The following XKR9 variants were observed in gnomAD, a reference collection of about 807,000 sequenced individuals.
XKR9 encodes XK related 9.
XKR9 carries 32 observed loss-of-function variants against 32.0 expected under a neutral mutation model. That is an observed-to-expected ratio of 1.00 (90% CI 0.76 to 1.34). The LOEUF (loss-of-function observed/expected upper bound fraction) is 1.34, where lower values mean the gene tolerates loss of function less well. Among genes scored for constraint, XKR9 ranks in the 40% most tolerant of loss-of-function variants. The probability of loss-of-function intolerance (pLI) is 0.00; values close to 1 mark genes in which losing one functional copy is unlikely to be tolerated. For missense variants in XKR9, 546 were observed against 429.7 expected (o/e 1.27, Z -2.39); for synonymous variants, 168 against 143.4 (o/e 1.17, Z -1.22).
chr8:70,853,762 G>A, the XKR9 span, among the ~76,000 whole-genome samples: 21 of 152,192 alleles, frequency 1.4e-4, no homozygotes, highest in South Asian at 2.9e-3. Context: ...CCACCTATGA[G>A]TGAGAACATG....
rs751295987 is a variant in XKR9, at chr8:70,706,965, C to T, written c.305C>T (p.Ala102Val). The T allele has an allele frequency of 3.1e-6, 5 of 1,612,682 alleles. No homozygotes were observed. The highest frequency in any genetic ancestry group is 1.1e-5 in the South Asian group (1 of 90,958). The change falls in exon 4 of 5, where the codon GCA (alanine) becomes GTA (valine). Residue 102 changes from alanine to valine, a missense_variant. Physicochemically the swap from Ala to Val is moderately conservative, Grantham distance 64. Transcript: ENST00000408926. ...YWFALKRGYH[A>V]AFKYDSNTSN... The stretch of plus-strand genomic sequence containing the variant: ...TTTGCCTTAAAAAGGGGTTACCATG[C>T]AGCTTTTAAATATGACAGCAATACT...
intron 4 of XKR9, among the ~76,000 whole-genome samples, chr8:70,715,055 T>C (rs1051183019): frequency 6.6e-6 from 1 of 152,130 alleles, no homozygotes; most frequent in Non-Finnish European, 1.5e-5. Context: ...CAAATAATAG[T>C]GTCAACTAGA....
At chr8:70,983,340 G>A in the XKR9 span, among the ~76,000 whole-genome samples, 7 of 151,910 alleles carry the variant, frequency 4.6e-5, no homozygotes, top group Admixed American at 2.0e-4. Flanking sequence ...ATTCATAACC[G>A]TCTGAACTTC....
chr8:70,670,864 ATCAAT>A lies in XKR9; in HGVS notation c.-361+1328_-361+1332del, dbSNP rs529050030. Among the ~76,000 whole-genome samples the A allele has an allele frequency of 5.4e-4, 82 of 152,342 alleles. 1 individual carries two copies. Among genetic ancestry groups the A allele is most frequent in the Admixed American group, 1.8e-3 (28 of 15,306 alleles). ...CTGTCAATATGTATTTATGATAGCCATCAATTAATGGCTATTCAGGCAGGAGGCTT... is the reference window on the plus strand; with the variant it reads ...CTGTCAATATGTATTTATGATAGCCATAATGGCTATTCAGGCAGGAGGCTT... On this transcript the variant is annotated intron_variant, in intron 1 of 4. Transcript: ENST00000408926.
chr8:70,853,560 A>T, the XKR9 span, among the ~76,000 whole-genome samples: 1 of 151,674 alleles, frequency 6.6e-6, no homozygotes, highest in Non-Finnish European at 1.5e-5. Context: ...TTTTTAAATT[A>T]TACTTTAAGA....
At chr8:70,772,078 C>T (rs543020220) in intron 2 of XKR9, among the ~76,000 whole-genome samples, 1 of 152,238 alleles carries the variant, frequency 6.6e-6, no homozygotes, top group South Asian at 2.1e-4. Context: ...ATCCAAGTAC[C>T]AGACTTGCAT....
the XKR9 span, among the ~76,000 whole-genome samples, chr8:70,898,310 T>G: frequency 5.6e-4 from 85 of 152,356 alleles, no homozygotes; most frequent in African/African-American, 2.0e-3. Context: ...CATGCTGTTT[T>G]GGTTACTATA....
the XKR9 span, among the ~76,000 whole-genome samples, chr8:70,904,894 T>C: frequency 0.084 from 12,735 of 152,208 alleles, 606 homozygotes; most frequent in African/African-American, 0.097. Flanking sequence ...TAGTTTGTCT[T>C]GATATGAAAT....
the XKR9 span, among the ~76,000 whole-genome samples, chr8:70,858,061 A>C: frequency 6.6e-6 from 1 of 152,190 alleles, no homozygotes; most frequent in Admixed American, 6.6e-5. Context: ...GGCACAAGAC[A>C]GGGATGCCCT....
At chr8:70,817,272 T>G in the XKR9 span, among the ~76,000 whole-genome samples, 9 of 152,152 alleles carry the variant, frequency 5.9e-5, no homozygotes, top group Non-Finnish European at 1.2e-4. Flanking sequence ...ATGACTTCAG[T>G]AAAGTTCCAA....
At chr8:70,968,264 G>A in the XKR9 span, among the ~76,000 whole-genome samples, 4 of 152,198 alleles carry the variant, frequency 2.6e-5, no homozygotes, top group East Asian at 1.9e-4. Flanking sequence ...TGAACCTCTC[G>A]TGTTGTGTTT....
chr8:70,920,629 A>C, the XKR9 span, among the ~76,000 whole-genome samples: 1 of 152,126 alleles, frequency 6.6e-6, no homozygotes. Context: ...TTAAAAGACC[A>C]TACATGGCCA....
the XKR9 span, among the ~76,000 whole-genome samples, chr8:71,008,716 T>G: frequency 3.3e-5 from 5 of 152,216 alleles, no homozygotes; most frequent in South Asian, 1.0e-3. Flanking sequence ...AGTCTCGACC[T>G]CCTGAGCTCA....
chr8:71,064,656 G>GT, the XKR9 span, among the ~76,000 whole-genome samples: 24 of 151,884 alleles, frequency 1.6e-4, no homozygotes, highest in African/African-American at 5.6e-4. Flanking sequence ...TTCCTTTATG[G>GT]TTTTTTTAAG....
At chr8:70,849,740 A>G in the XKR9 span, among the ~76,000 whole-genome samples, 2 of 152,302 alleles carry the variant, frequency 1.3e-5, no homozygotes, top group South Asian at 4.1e-4. Flanking sequence ...ATAAAGAAGA[A>G]AAGAGAGAAG....
At chr8:70,910,006 C>T in the XKR9 span, among the ~76,000 whole-genome samples, 1 of 151,822 alleles carries the variant, frequency 6.6e-6, no homozygotes, top group Non-Finnish European at 1.5e-5. Flanking sequence ...CCATGACCGG[C>T]CTGATTTATC....
intron 1 of XKR9, among the ~76,000 whole-genome samples, chr8:70,669,806 A>G (rs796753857): frequency 2.0e-5 from 3 of 151,522 alleles, no homozygotes; most frequent in African/African-American, 7.3e-5. Context: ...AGCTGGGACT[A>G]TAGGCGTCCG....
the XKR9 span, among the ~76,000 whole-genome samples, chr8:70,814,297 TG>T: frequency 1.3e-5 from 2 of 149,456 alleles, no homozygotes; most frequent in African/African-American, 5.0e-5. Flanking sequence ...TGTTGTGGGG[TG>T]GGGGAAAGGG....
rs145833050 is a variant in XKR9, at chr8:70,720,989, G to A, written c.494-12807G>A. On this transcript the variant is annotated intron_variant, in intron 4 of 4. Transcript: ENST00000408926. ...TCCTCAATTTCAAAACTTGTTATTG[G>A]TCTATTCAGGGATTTGACTTCTTCC... Among the ~76,000 whole-genome samples, 1,176 of 152,264 alleles carry A rather than the reference G, an allele frequency of 7.7e-3. 7 individuals carry two copies. Among genetic ancestry groups the A allele is most frequent in the Non-Finnish European group, 0.014 (954 of 68,018 alleles).
Sources: gnomAD v4.1 joint callset for allele counts (sites outside exome capture counted in the v4.1 genomes callset) on GRCh38, gnomAD v4.1.1 for gene constraint, MANE v1.5 for transcripts, NCBI Gene and HGNC (gene_info 2026-07-23, HGNC 2026-07-21) for gene names.